ALK: variants seen among roughly 807,000 people sequenced by gnomAD.
ALK encodes the protein ALK tyrosine kinase receptor.
ALK carries 74 observed loss-of-function variants against 163.1 expected under a neutral mutation model. The observed-to-expected ratio is 0.45, with a 90% CI of 0.38 to 0.55. The LOEUF (loss-of-function observed/expected upper bound fraction) is 0.55, where lower values mean the gene tolerates loss of function less well. Among genes scored for constraint, ALK ranks in the 20% least tolerant of loss-of-function variants. ALK has a pLI of 0.00. For missense variants in ALK, 2,063 were observed against 2,105.3 expected (o/e 0.98, Z 0.39); for synonymous variants, 960 against 843.2 (o/e 1.14, Z -2.40).
At chr2:29,395,617 A>C (rs765075529) in intron 4 of ALK, among the ~76,000 whole-genome samples, 19 of 152,182 alleles carry the variant, frequency 1.2e-4, no homozygotes, top group Non-Finnish European at 2.2e-4. Flanking sequence ...CCCCCAAGGC[A>C]AGCCATAGAA....
chr2:29,638,333 C>A (rs776030988), intron 3 of ALK, among the ~76,000 whole-genome samples: 1 of 152,168 alleles, frequency 6.6e-6, no homozygotes, highest in Admixed American at 6.5e-5. Flanking sequence ...CCAATATAAA[C>A]CTTCATTGAC....
chr2:29,395,126 A>G (rs1267980523), intron 4 of ALK, among the ~76,000 whole-genome samples: 1 of 152,122 alleles, frequency 6.6e-6, no homozygotes, highest in Non-Finnish European at 1.5e-5. Context: ...TTCCCTAGAG[A>G]GGCAGCCTAA....
Position 29,233,665 on chromosome 2 carries a change from C to G in ALK, c.2387G>C (p.Gly796Ala). The stretch of plus-strand genomic sequence containing the variant: ...TTCTTCTTCTATCACATTGTTCTCT[C>G]CAATGCAGACTTTCTGGATTAACTG... ...TNQLIQKVCI[G>A]ENNVIEEEIR... The change falls in exon 14 of 29, where the codon GGA (glycine) becomes GCA (alanine). Residue 796 changes from glycine to alanine, a missense_variant. Physicochemically the swap from Gly to Ala is moderately conservative, Grantham distance 60. Coordinates refer to ENST00000389048, the MANE Select transcript of ALK (RefSeq NM_004304.5). 1 of 1,614,228 alleles carries G rather than the reference C, an allele frequency of 6.2e-7. No individual in the cohort carries two copies. Among genetic ancestry groups the G allele is most frequent in the South Asian group, 1.1e-5 (1 of 91,076 alleles).
intron 4 of ALK, among the ~76,000 whole-genome samples, chr2:29,400,936 T>C (rs903010651): frequency 2.0e-5 from 3 of 151,792 alleles, no homozygotes; most frequent in African/African-American, 7.3e-5. Context: ...AGTCGCACCA[T>C]TGCACTCCAG....
At chr2:29,620,722 A>G (rs1379274941) in intron 3 of ALK, among the ~76,000 whole-genome samples, 1 of 151,992 alleles carries the variant, frequency 6.6e-6, no homozygotes, top group Non-Finnish European at 1.5e-5. Context: ...TCTAACTTAA[A>G]CCGTTCTAAA....
intron 1 of ALK, among the ~76,000 whole-genome samples, chr2:29,886,783 T>C (rs1666997533): frequency 6.6e-6 from 1 of 152,142 alleles, no homozygotes; most frequent in African/African-American, 2.4e-5. Flanking sequence ...GCTCAAAAGG[T>C]TTTTATGAAG....
intron 2 of ALK, among the ~76,000 whole-genome samples, chr2:29,707,030 T>TGTGTGTGTGTGG (rs70962235): frequency 1.6e-5 from 2 of 128,060 alleles, no homozygotes; most frequent in South Asian, 2.5e-4. Context: ...TGTGTGTGTG[T>TGTGTGTGTGTGG]TGGGTAAGGA....
At chr2:29,523,858 G>GT (rs58587837) in intron 4 of ALK, among the ~76,000 whole-genome samples, 55 of 110,946 alleles carry the variant, frequency 5.0e-4, no homozygotes, top group African/African-American at 1.7e-3. Flanking sequence ...GAAGCTGAAG[G>GT]TTTTTTTTTT....
At chr2:29,900,995 G>GAGAGCAAGCAAGCAAGCAAGCAAGCA (rs143158227) in intron 1 of ALK, among the ~76,000 whole-genome samples, 4 of 148,600 alleles carry the variant, frequency 2.7e-5, no homozygotes, top group Non-Finnish European at 6.0e-5. Context: ...GAGAGAGAGA[G>GAGAGCAAGCAAGCAAGCAAGCAAGCA]AGCAAGCAAG....
intron 5 of ALK, among the ~76,000 whole-genome samples, chr2:29,349,953 T>C (rs918904434): frequency 6.6e-6 from 1 of 152,182 alleles, no homozygotes; most frequent in East Asian, 1.9e-4. Context: ...CAGGAATCAC[T>C]GAAACAGGAA....
At chr2:29,398,652 G>C (rs923183299) in intron 4 of ALK, among the ~76,000 whole-genome samples, 1 of 152,072 alleles carries the variant, frequency 6.6e-6, no homozygotes, top group Non-Finnish European at 1.5e-5. Context: ...TCAGTTGCTC[G>C]GCATGTTTCT....
At chr2:29,895,068 T>C (rs1430977908) in intron 1 of ALK, among the ~76,000 whole-genome samples, 1 of 152,226 alleles carries the variant, frequency 6.6e-6, no homozygotes, top group Non-Finnish European at 1.5e-5. Flanking sequence ...TATCAAGGTG[T>C]CATCATTATC....
chr2:29,505,062 G>A (rs769365964), intron 4 of ALK, among the ~76,000 whole-genome samples: 4 of 152,154 alleles, frequency 2.6e-5, no homozygotes, highest in Non-Finnish European at 5.9e-5. Flanking sequence ...GGTTAGGATT[G>A]TGAAGGAAAA....
At chr2:29,454,841 A>C (rs1670910335) in intron 4 of ALK, among the ~76,000 whole-genome samples, 1 of 152,198 alleles carries the variant, frequency 6.6e-6, no homozygotes, top group Admixed American at 6.5e-5. Flanking sequence ...CATATAGTTA[A>C]AATTATATAC....
At chr2:29,510,539 C>T (rs12990552) in intron 4 of ALK, among the ~76,000 whole-genome samples, 41,902 of 152,092 alleles carry the variant, frequency 0.28, 6,083 homozygotes, top group East Asian at 0.33. Context: ...ATAGTATTTA[C>T]TTCATAGGCT....
intron 12 of ALK, among the ~76,000 whole-genome samples, chr2:29,242,947 C>T (rs1664562052): frequency 6.6e-6 from 1 of 152,222 alleles, no homozygotes; most frequent in Admixed American, 6.5e-5. Context: ...GGGGAGCAGG[C>T]AGCTGCCTAC....
At chr2:29,572,339 C>A (rs766607492) in intron 3 of ALK, among the ~76,000 whole-genome samples, 2 of 152,120 alleles carry the variant, frequency 1.3e-5, no homozygotes, top group Non-Finnish European at 2.9e-5. Context: ...GGTCGGCCAC[C>A]GTTTAAATGA....
chr2:29,665,708 G>C (rs996058719), intron 3 of ALK, among the ~76,000 whole-genome samples: 3 of 152,014 alleles, frequency 2.0e-5, no homozygotes, highest in African/African-American at 7.2e-5. Context: ...TTCAGAATTA[G>C]AGTTGAAATT....
chr2:29,548,523 C>T (rs1673623755), intron 3 of ALK, among the ~76,000 whole-genome samples: 1 of 117,454 alleles, frequency 8.5e-6, no homozygotes. Context: ...GATATCTATG[C>T]CAGTGCTGAA....
Sources: allele counts gnomAD v4.1 joint callset (sites outside exome capture counted in the v4.1 genomes callset), GRCh38; gene constraint gnomAD v4.1.1; transcripts MANE v1.5; gene names NCBI Gene and HGNC (gene_info 2026-07-23, HGNC 2026-07-21).